Variants in MEIS2 observed in about 807,000 individuals in gnomAD.
MEIS2 encodes Meis homeobox 2, also known as homeobox protein Meis2.
In MEIS2, 9 loss-of-function variants were observed where a neutral mutation model predicts 58.6. The observed-to-expected ratio is 0.15, with a 90% confidence interval of 0.09 to 0.27. The LOEUF is 0.27. MEIS2 is among the 10% of genes least tolerant of loss of function. The probability of loss-of-function intolerance (pLI) is 1.00; values close to 1 mark genes in which losing one functional copy is unlikely to be tolerated. For missense variants in MEIS2, 427 were observed against 635.0 expected (o/e 0.67, Z 3.52); for synonymous variants, 221 against 228.4 (o/e 0.97, Z 0.29).
intron 9 of MEIS2, among the ~76,000 whole-genome samples, chr15:36,945,776 T>C (rs2141375026): frequency 1.3e-5 from 2 of 152,136 alleles, no homozygotes; most frequent in South Asian, 4.1e-4. Flanking sequence ...AATCTCAGCT[T>C]GAGAGGCCAT....
At chr15:36,994,761 A>G (rs2060415007) in intron 8 of MEIS2, among the ~76,000 whole-genome samples, 1 of 152,250 alleles carries the variant, frequency 6.6e-6, no homozygotes, top group African/African-American at 2.4e-5. Flanking sequence ...ACATGCAAAT[A>G]CATAGAACCA....
At position 37,052,699 on chromosome 15, in the gene MEIS2, C is replaced by T. The variant is rs184913482; in HGVS notation, c.755-15740G>A. On this transcript the variant is annotated intron_variant, in intron 7 of 11. Coordinates refer to ENST00000561208, the MANE Select transcript of MEIS2 (RefSeq NM_170675.5). ...TTAGTTCCATTCCATTCTCTTTTTC[C>T]TTCCTTCTTTCACTTATTCGAAAGA... Among the ~76,000 whole-genome samples the T allele has an allele frequency of 2.6e-3, 401 of 152,188 alleles. 1 individual carries two copies. Among genetic ancestry groups the T allele is most frequent in the Non-Finnish European group, 2.6e-3 (176 of 67,992 alleles).
chr15:36,938,221 C>A (rs2058246019), intron 9 of MEIS2, among the ~76,000 whole-genome samples: 1 of 152,182 alleles, frequency 6.6e-6, no homozygotes, highest in Non-Finnish European at 1.5e-5. Flanking sequence ...ATGAGCTCAT[C>A]TGCTCCCAGG....
At chr15:36,989,600 C>T (rs1034614345) in intron 8 of MEIS2, among the ~76,000 whole-genome samples, 15 of 152,286 alleles carry the variant, frequency 9.8e-5, no homozygotes, top group East Asian at 1.9e-4. Context: ...CAAAACTCTT[C>T]CCTGAGATCT....
chr15:37,037,656 C>T (rs1260947885), intron 7 of MEIS2, among the ~76,000 whole-genome samples: 1 of 152,214 alleles, frequency 6.6e-6, no homozygotes, highest in Non-Finnish European at 1.5e-5. Context: ...AAATCATTTA[C>T]TTTTAACAGT....
chr15:36,918,047 G>GC (rs1230625277), intron 9 of MEIS2, among the ~76,000 whole-genome samples: 2 of 152,124 alleles, frequency 1.3e-5, no homozygotes, highest in African/African-American at 4.8e-5. Flanking sequence ...TTCAGTGTCT[G>GC]CTGCCTACTG....
At chr15:36,903,774 C>A (rs2056593230) in intron 9 of MEIS2, among the ~76,000 whole-genome samples, 1 of 152,154 alleles carries the variant, frequency 6.6e-6, no homozygotes, top group African/African-American at 2.4e-5. Flanking sequence ...GAAAAGATCC[C>A]AACAAATCTA....
chr15:36,929,535 T>G (rs1403044201), intron 9 of MEIS2, among the ~76,000 whole-genome samples: 1 of 152,192 alleles, frequency 6.6e-6, no homozygotes, highest in East Asian at 1.9e-4. Flanking sequence ...ACATTAAACT[T>G]CAGGGAGAAT....
At chr15:36,902,600 C>T (rs748357677) in intron 9 of MEIS2, among the ~76,000 whole-genome samples, 2 of 152,204 alleles carry the variant, frequency 1.3e-5, no homozygotes, top group Non-Finnish European at 2.9e-5. Flanking sequence ...TTTAAAAGAT[C>T]TCCAAGGGAT....
intron 8 of MEIS2, among the ~76,000 whole-genome samples, chr15:37,014,588 A>AT (rs2061278946): frequency 6.6e-6 from 1 of 152,172 alleles, no homozygotes; most frequent in Admixed American, 6.5e-5. Context: ...TAATTCTGGA[A>AT]TTTTTTATTG....
At chr15:36,928,257 A>G (rs941497109) in intron 9 of MEIS2, among the ~76,000 whole-genome samples, 1 of 152,226 alleles carries the variant, frequency 6.6e-6, no homozygotes, top group Admixed American at 6.5e-5. Context: ...CATATGCAGA[A>G]AAATGTACAG....
intron 9 of MEIS2, among the ~76,000 whole-genome samples, chr15:36,937,541 AT>A (rs1411522860): frequency 6.6e-5 from 10 of 152,192 alleles, no homozygotes; most frequent in Non-Finnish European, 1.3e-4. Flanking sequence ...ATGGTATTTC[AT>A]TTTTCACTAC....
At chr15:36,975,795 C>T (rs73391564) in intron 8 of MEIS2, among the ~76,000 whole-genome samples, 12,172 of 152,104 alleles carry the variant, frequency 0.08, 1,111 homozygotes, top group African/African-American at 0.21. Flanking sequence ...AGAGATCTAT[C>T]GTACAGCATG....
intron 8 of MEIS2, among the ~76,000 whole-genome samples, chr15:36,981,441 T>C (rs535978367): frequency 1.1e-4 from 16 of 152,282 alleles, no homozygotes; most frequent in Non-Finnish European, 1.5e-4. Context: ...CTGCATTGAC[T>C]AGAATTTCCA....
chr15:36,920,374 C>T (rs80225272), intron 9 of MEIS2, among the ~76,000 whole-genome samples: 9,141 of 152,134 alleles, frequency 0.06, 493 homozygotes, highest in East Asian at 0.25. Context: ...CTCGAACTCC[C>T]GACCTCAGGT....
chr15:37,098,465 C>A, intron 1 of MEIS2: 2 of 1,062,514 alleles, frequency 1.9e-6, no homozygotes, highest in Non-Finnish European at 2.4e-6. Context: ...AGAAAAGTAC[C>A]GAGCACAAGT....
chr15:36,900,995 G>A (rs796482998), intron 9 of MEIS2: 6 of 152,310 alleles, frequency 3.9e-5, no homozygotes, highest in African/African-American at 1.4e-4. Flanking sequence ...CCTCCATGGA[G>A]TTACCTGGAA....
chr15:36,997,823 A>G (rs2060579410), intron 8 of MEIS2, among the ~76,000 whole-genome samples: 1 of 152,142 alleles, frequency 6.6e-6, no homozygotes, highest in Non-Finnish European at 1.5e-5. Context: ...ACAAACGTGC[A>G]TGGTTTAAGC....
At chr15:37,083,513 C>T (rs1257712375) in intron 7 of MEIS2, among the ~76,000 whole-genome samples, 2 of 151,966 alleles carry the variant, frequency 1.3e-5, no homozygotes, top group East Asian at 3.9e-4. Context: ...TGTAGATAAC[C>T]AAATTTGTAA....
Sources: allele counts gnomAD v4.1 joint callset (sites outside exome capture counted in the v4.1 genomes callset), GRCh38; gene constraint gnomAD v4.1.1; transcripts MANE v1.5; gene names NCBI Gene and HGNC (gene_info 2026-07-23, HGNC 2026-07-21).